PRR12: variants seen among roughly 807,000 people sequenced by gnomAD.
The protein encoded by PRR12 is proline rich 12, also known as proline-rich protein 12.
PRR12 carries 12 observed loss-of-function variants against 138.0 expected under a neutral mutation model. That is an observed-to-expected ratio of 0.09 (90% confidence interval 0.06 to 0.14). PRR12 has a LOEUF of 0.14. Ranked by LOEUF, PRR12 falls within the 10% of genes least tolerant of loss-of-function variation. The pLI is 1.00. For synonymous variants in PRR12, 1,567 were observed against 1,291.7 expected, an observed-to-expected ratio of 1.21 and a Z score of -4.57; for missense variants, 2,692 against 2,861.3, an observed-to-expected ratio of 0.94 and a Z score of 1.35.
chr19:49,625,742 C>CTGGAGGGGGCAGCA lies in PRR12; in HGVS notation c.*135_*136insTGGAGGGGGCAGCA. 1.6e-6 allele frequency: 2 copies of CTGGAGGGGGCAGCA among 1,212,434 alleles called. No homozygotes were observed. The highest frequency in any genetic ancestry group is 1.5e-5 in the African/African-American group (1 of 64,872). The allele number at this position is 1,212,434 out of a possible 1,614,324, so 75.1% of individuals were successfully genotyped here. ...TGGGTCAGGGTGTGTCTGTGCTGCC[C>CTGGAGGGGGCAGCA]CCTCCAGGGCAGGGTTCAAAGTCCG... On this transcript the variant is annotated 3_prime_UTR_variant, in exon 14 of 14. Transcript: ENST00000418929. This position sits in a 1 kb window ranked among gnomAD's most constrained non-coding sequence, Gnocchi z 5.5.
intron 6 of PRR12, among the ~76,000 whole-genome samples, chr19:49,610,536 C>A (rs1599796329): frequency 8.0e-6 from 1 of 124,444 alleles, no homozygotes; most frequent in South Asian, 2.7e-4. Flanking sequence ...CATGGTAAAA[C>A]CCTGTTCCTA....
intron 5 of PRR12, among the ~76,000 whole-genome samples, chr19:49,600,423 CAG>C (rs2080803635): frequency 1.4e-5 from 2 of 147,700 alleles, no homozygotes; most frequent in South Asian, 2.1e-4. Flanking sequence ...ATGTCAGAAA[CAG>C]AGGCATTGGG....
chr19:49,616,792 C>T lies in PRR12; in HGVS notation c.5497+573C>T, dbSNP rs1165777914. On this transcript the variant is annotated intron_variant, in intron 9 of 13. Coordinates refer to ENST00000418929, the MANE Select transcript of PRR12 (RefSeq NM_020719.3). This position sits in a 1 kb window ranked among gnomAD's most constrained non-coding sequence, Gnocchi z 4.2. ...CTTTAGTAGACACTACCTGTCTACT[C>T]CATGTCTGCCCAGCACACTGCCACA... Among the ~76,000 whole-genome samples the T allele has an allele frequency of 6.6e-6, 1 of 152,154 alleles. No individual in the cohort carries two copies. The highest frequency in any genetic ancestry group is 1.5e-5 in the Non-Finnish European group (1 of 68,034).
Position 49,601,480 on chromosome 19 carries a change from G to A in PRR12, c.4346-11G>A, listed in dbSNP as rs764535381. On this transcript the variant is annotated splice_polypyrimidine_tract_variant and intron_variant, in intron 5 of 13. Transcript: ENST00000418929. Reference sequence around the variant, plus strand: ...AATAACATCCAGGCCTGATGTCCCTGTCTCCCCCAGAGCCCCCGCTGCTGG... The same window carrying A: ...AATAACATCCAGGCCTGATGTCCCTATCTCCCCCAGAGCCCCCGCTGCTGG... 6 of 1,438,444 alleles carry A rather than the reference G, an allele frequency of 4.2e-6. No homozygotes were observed. The South Asian group carries it at 7.7e-5, about 19-fold the overall frequency. 89.1% of individuals were successfully genotyped at this position (1,438,444 alleles called of 1,614,324 possible).
intron 9 of PRR12, among the ~76,000 whole-genome samples, chr19:49,618,054 C>T (rs62128121): frequency 9.9e-4 from 151 of 152,202 alleles, no homozygotes; most frequent in Non-Finnish European, 1.4e-3. Context: ...GCTGAGATTG[C>T]GCCATTGCAT....
In PRR12 at chr19:49,591,617, T is replaced by TCCCTCCCTCCCTCC. The variant is rs2080727481; in HGVS notation, c.-31_-30insTCCCTCCCCCTCCC. 8.7e-6 allele frequency: 1 copy of TCCCTCCCTCCCTCC among 114,612 alleles called. No homozygotes were observed. Among genetic ancestry groups the TCCCTCCCTCCCTCC allele is most frequent in the African/African-American group, 8.3e-5 (1 of 12,012 alleles). The allele number at this position is 114,612 out of a possible 1,614,324, so 7.1% of individuals were successfully genotyped here. A position where few individuals can be genotyped will look rare whatever the true frequency, so the allele number is the denominator to read the frequency against. On this transcript the variant is annotated 5_prime_UTR_variant, in exon 1 of 14. Coordinates refer to ENST00000418929, the MANE Select transcript of PRR12 (RefSeq NM_020719.3). ...CGCGCGCGCCCCCTCCCTCCCTCCCTCCCTCCCCCTCCCCCCAATTTCCAC... is the reference window on the plus strand; with the variant it reads ...CGCGCGCGCCCCCTCCCTCCCTCCCTCCCTCCCTCCCTCCCCCTCCCCCTCCCCCCAATTTCCAC...
In PRR12 at chr19:49,596,288, C is replaced by T. The variant is rs1324410745; in HGVS notation, c.1953C>T (p.Ser651=). 3.7e-6 allele frequency: 6 copies of T among 1,611,338 alleles called. No individual in the cohort carries two copies. In the South Asian group the frequency reaches 5.5e-5, roughly 15 times the overall value. ...TCCAGCACCTCTTGCAGGCGCCCAG[C>T]CCTCCTCGGACCTCAGGGGCGGACG... is the stretch of plus-strand genomic sequence containing the variant. ...FLIQHLLQAP[S]PPRTSGADGL... The change falls in exon 4 of 14, where the codon AGC becomes AGT. Residue 651 remains serine (S), a synonymous_variant. Transcript: ENST00000418929. The surrounding 1 kb of genome is among the most constrained non-coding windows in gnomAD (Gnocchi z 5.6).
At chr19:49,602,622 G>A (rs2080818455) in intron 6 of PRR12, among the ~76,000 whole-genome samples, 1 of 152,140 alleles carries the variant, frequency 6.6e-6, no homozygotes. Flanking sequence ...CTCAATCTCG[G>A]CTCACTGCAG....
intron 6 of PRR12, among the ~76,000 whole-genome samples, chr19:49,606,177 T>A (rs547591091): frequency 6.6e-6 from 1 of 152,074 alleles, no homozygotes; most frequent in South Asian, 2.1e-4. Context: ...ATTTTTTTAT[T>A]CCTTAAGTAG....
In PRR12 at chr19:49,614,508, G is replaced by T. The variant is rs1430359296; in HGVS notation, c.4774-25G>T. 5 of 1,501,102 alleles carry T rather than the reference G, an allele frequency of 3.3e-6. No homozygotes were observed. Among genetic ancestry groups the T allele is most frequent in the South Asian group, 1.3e-5 (1 of 78,484 alleles). The allele number at this position is 1,501,102 out of a possible 1,614,324, so 93.0% of individuals were successfully genotyped here. On this transcript the variant is annotated intron_variant, in intron 6 of 13. Coordinates refer to ENST00000418929, the MANE Select transcript of PRR12 (RefSeq NM_020719.3). This position sits in a 1 kb window ranked among gnomAD's most constrained non-coding sequence, Gnocchi z 5.0. ...CTAGGAATGAGGGCTGACCCTGCTGGCCTCACCACACCCCTCCTCCTCAGC... is the reference window on the plus strand; with the variant it reads ...CTAGGAATGAGGGCTGACCCTGCTGTCCTCACCACACCCCTCCTCCTCAGC...
intron 1 of PRR12, among the ~76,000 whole-genome samples, chr19:49,592,250 G>T (rs1169484145): frequency 6.6e-6 from 1 of 151,788 alleles, no homozygotes; most frequent in Non-Finnish European, 1.5e-5. Context: ...ACGGGGCCCC[G>T]CCCCCTTCCT....
Position 49,616,099 on chromosome 19 carries a change from C to G in PRR12, c.5377C>G (p.Pro1793Ala). Residue 1793 changes from proline (P) to alanine (A), a missense_variant, in exon 9 of 14, where the codon CCG becomes GCG. Pro to Ala is a conservative substitution (Grantham distance 27). Transcript: ENST00000418929. This position sits in a 1 kb window ranked among gnomAD's most constrained non-coding sequence, Gnocchi z 4.2. ...CCGGCCTACCAAGGTGAAGGCTGAA[C>G]CGCCCCCTAAGAAGAGGAAGAAATG... ...KARPTKVKAE[P>A]PPKKRKKWLK... 1 of 1,567,582 alleles carries G rather than the reference C, an allele frequency of 6.4e-7. No homozygotes were observed. Among genetic ancestry groups the G allele is most frequent in the Non-Finnish European group, 8.6e-7 (1 of 1,156,882 alleles).
intron 6 of PRR12, among the ~76,000 whole-genome samples, chr19:49,602,681 A>T (rs1042041644): frequency 3.3e-5 from 5 of 151,928 alleles, no homozygotes; most frequent in African/African-American, 7.3e-5. Context: ...CCTCCCAACT[A>T]TCTGGGACTA....
chr19:49,607,361 G>GCGCACACACACA (rs1555742564), intron 6 of PRR12, among the ~76,000 whole-genome samples: 43 of 147,760 alleles, frequency 2.9e-4, no homozygotes, highest in African/African-American at 6.9e-4. Flanking sequence ...ATGTACGTGT[G>GCGCACACACACA]CACACACACA....
Position 49,597,360 on chromosome 19 carries a change from G to C in PRR12, c.3025G>C (p.Gly1009Arg). ...SGAGPETPGL[G>R]LDPNKPPELP... The stretch of plus-strand genomic sequence containing the variant: ...AGCCGGGCCCGAGACACCGGGCCTG[G>C]GCCTGGACCCCAACAAACCGCCTGA... Residue 1009 changes from glycine (G) to arginine (R), a missense_variant, in exon 4 of 14, where the codon GGC becomes CGC. By Grantham distance (125) the Gly-to-Arg change is moderately radical. Around this residue, in one of 11 missense-constraint regions of PRR12, gnomAD observed 840 missense variants for 689.8 expected, o/e 1.22. Coordinates refer to ENST00000418929, the MANE Select transcript of PRR12 (RefSeq NM_020719.3). The surrounding 1 kb of genome is among the most constrained non-coding windows in gnomAD (Gnocchi z 6.3). 6.5e-7 allele frequency: 1 copy of C among 1,538,984 alleles called. No homozygotes were observed. Among genetic ancestry groups the C allele is most frequent in the Non-Finnish European group, 8.7e-7 (1 of 1,146,858 alleles).
chr19:49,625,221 C>G lies in PRR12; in HGVS notation c.5964+21C>G. 1 of 1,605,532 alleles carries G rather than the reference C, an allele frequency of 6.2e-7. No individual in the cohort carries two copies. The highest frequency in any genetic ancestry group is 8.5e-7 in the Non-Finnish European group (1 of 1,172,428). On this transcript the variant is annotated intron_variant, in intron 13 of 13. Coordinates refer to ENST00000418929, the MANE Select transcript of PRR12 (RefSeq NM_020719.3). This position sits in a 1 kb window ranked among gnomAD's most constrained non-coding sequence, Gnocchi z 5.5. Reference sequence around the variant, plus strand: ...ACCAGGTGAGCCCCACCCACAGCACCCATCGCCCTGGGATTCCAACCTTTC... The same window carrying G: ...ACCAGGTGAGCCCCACCCACAGCACGCATCGCCCTGGGATTCCAACCTTTC...
Position 49,614,355 on chromosome 19 carries a change from T to A in PRR12, c.4774-178T>A, listed in dbSNP as rs571233295. ...ACTGGGTGGGCAGGAGGCGACAGGG[T>A]CAAGTTCAAGCTGTACACAGAGCTG... is the stretch of plus-strand genomic sequence containing the variant. On this transcript the variant is annotated intron_variant, in intron 6 of 13. Transcript: ENST00000418929. The surrounding 1 kb of genome is among the most constrained non-coding windows in gnomAD (Gnocchi z 5.0). 4.5e-4 allele frequency among the ~76,000 whole-genome samples: 69 copies of A among 152,112 alleles called. No individual in the cohort carries two copies. Among genetic ancestry groups the A allele is most frequent in the Non-Finnish European group, 7.2e-4 (49 of 67,994 alleles).
chr19:49,612,767 T>C (rs931492754), intron 6 of PRR12, among the ~76,000 whole-genome samples: 9 of 151,946 alleles, frequency 5.9e-5, no homozygotes, highest in African/African-American at 2.2e-4. Flanking sequence ...CGGGTTCAAG[T>C]GATTCTCCTT....
chr19:49,598,310 G>T (rs558240788), intron 4 of PRR12, among the ~76,000 whole-genome samples: 2 of 151,830 alleles, frequency 1.3e-5, no homozygotes, highest in South Asian at 4.2e-4. Flanking sequence ...TCCTGGCCTC[G>T]TGATCCACCC....
Sources: allele counts gnomAD v4.1 joint callset (sites outside exome capture counted in the v4.1 genomes callset), GRCh38; gene constraint gnomAD v4.1.1; regional missense constraint gnomAD v4.1.1; non-coding constraint Gnocchi (gnomAD v3.1); transcripts MANE v1.5; gene names NCBI Gene and HGNC (gene_info 2026-07-23, HGNC 2026-07-21).